The following FRMD4A variants were observed in gnomAD, a reference collection of about 807,000 sequenced individuals.
FRMD4A encodes the protein FERM domain-containing protein 4A.
FRMD4A carries 29 observed loss-of-function variants against 129.1 expected under a neutral mutation model. The observed-to-expected ratio is 0.22, with a 90% CI of 0.17 to 0.31. The LOEUF (loss-of-function observed/expected upper bound fraction) is 0.31, where lower values mean the gene tolerates loss of function less well. FRMD4A is among the 10% of genes least tolerant of loss of function. The pLI is 1.00. For synonymous variants in FRMD4A, 634 were observed against 571.6 expected, an observed-to-expected ratio of 1.11 and a Z score of -1.56; for missense variants, 1,272 against 1,375.8, an observed-to-expected ratio of 0.92 and a Z score of 1.19.
chr10:14,273,592 A>C (rs1400151559), intron 2 of FRMD4A, among the ~76,000 whole-genome samples: 1 of 152,136 alleles, frequency 6.6e-6, no homozygotes. Context: ...ATTAAGATAG[A>C]AATGAATTCT....
At chr10:13,789,769 A>ATGTGTGTGTGTGTGTGTGTGTGTGTG (rs57602565) in intron 5 of FRMD4A, among the ~76,000 whole-genome samples, 4 of 130,082 alleles carry the variant, frequency 3.1e-5, no homozygotes, top group African/African-American at 9.1e-5. Flanking sequence ...GCTGCTTATA[A>ATGTGTGTGTGTGTGTGTGTGTGTGTG]TGTGTGTGTG....
chr10:13,898,395 C>T (rs1005273537), intron 2 of FRMD4A, among the ~76,000 whole-genome samples: 4 of 151,982 alleles, frequency 2.6e-5, no homozygotes, highest in Admixed American at 1.3e-4. Context: ...AAATTGATAA[C>T]GAGACCACTT....
chr10:14,056,167 G>C (rs1443386974), intron 2 of FRMD4A, among the ~76,000 whole-genome samples: 3 of 152,082 alleles, frequency 2.0e-5, no homozygotes, highest in Non-Finnish European at 2.9e-5. Flanking sequence ...GAGTAGCTGG[G>C]ATTACAGGCA....
At chr10:13,664,372 T>C (rs1340638671) in intron 18 of FRMD4A, among the ~76,000 whole-genome samples, 1 of 152,082 alleles carries the variant, frequency 6.6e-6, no homozygotes, top group Non-Finnish European at 1.5e-5. Flanking sequence ...CAGAAAGAGG[T>C]TGGCTGAGGG....
chr10:14,059,354 C>G (rs1453877008), intron 2 of FRMD4A, among the ~76,000 whole-genome samples: 1 of 152,174 alleles, frequency 6.6e-6, no homozygotes, highest in Non-Finnish European at 1.5e-5. Context: ...ATGGCAATAT[C>G]TGGAGAGGGT....
chr10:13,974,702 T>C (rs1018266139), intron 2 of FRMD4A, among the ~76,000 whole-genome samples: 2 of 152,146 alleles, frequency 1.3e-5, no homozygotes, highest in Non-Finnish European at 2.9e-5. Context: ...AATTTTTGTA[T>C]TTTTAGTAGA....
chr10:14,151,285 A>G (rs1265310393), intron 2 of FRMD4A, among the ~76,000 whole-genome samples: 1 of 152,240 alleles, frequency 6.6e-6, no homozygotes, highest in African/African-American at 2.4e-5. Flanking sequence ...GGCTGATTCG[A>G]TAAGGAAAAT....
At chr10:13,785,188 G>A (rs1363987855) in intron 5 of FRMD4A, among the ~76,000 whole-genome samples, 2 of 152,126 alleles carry the variant, frequency 1.3e-5, no homozygotes, top group Non-Finnish European at 2.9e-5. Flanking sequence ...AGGCTGCTGT[G>A]ATGAATACAA....
chr10:14,288,894 G>C (rs547256209), intron 2 of FRMD4A, among the ~76,000 whole-genome samples: 1 of 152,108 alleles, frequency 6.6e-6, no homozygotes, highest in Admixed American at 6.5e-5. Flanking sequence ...TCTATGCATG[G>C]CTTATTTCAC....
chr10:14,220,140 T>C (rs1363154028), intron 2 of FRMD4A, among the ~76,000 whole-genome samples: 1 of 152,148 alleles, frequency 6.6e-6, no homozygotes, highest in African/African-American at 2.4e-5. Flanking sequence ...TAGCATCCAT[T>C]TGCCCTTGCC....
At chr10:13,782,004 G>C (rs1264056610) in intron 6 of FRMD4A, among the ~76,000 whole-genome samples, 1 of 151,998 alleles carries the variant, frequency 6.6e-6, no homozygotes, top group Non-Finnish European at 1.5e-5. Context: ...TCGAGTGAAG[G>C]GTGCACCAAA....
intron 2 of FRMD4A, among the ~76,000 whole-genome samples, chr10:14,088,939 G>T (rs1223133945): frequency 6.6e-6 from 1 of 152,150 alleles, no homozygotes; most frequent in African/African-American, 2.4e-5. Context: ...GGGACCAGGG[G>T]TGTGGCTGGA....
intron 2 of FRMD4A, among the ~76,000 whole-genome samples, chr10:14,223,363 T>A (rs1345941859): frequency 6.6e-6 from 1 of 152,156 alleles, no homozygotes; most frequent in African/African-American, 2.4e-5. Flanking sequence ...CAGGCTTATC[T>A]CTTGGAAGAG....
chr10:14,086,886 G>A (rs1836311613), intron 2 of FRMD4A, among the ~76,000 whole-genome samples: 2 of 152,168 alleles, frequency 1.3e-5, no homozygotes, highest in South Asian at 2.1e-4. Context: ...CTGCTCTGGA[G>A]CTCAGCTTCC....
At chr10:14,274,366 C>T (rs923855972) in intron 2 of FRMD4A, among the ~76,000 whole-genome samples, 7 of 152,176 alleles carry the variant, frequency 4.6e-5, no homozygotes, top group Admixed American at 1.3e-4. Flanking sequence ...GTTAAGGAAA[C>T]GGAGAGGTGA....
intron 6 of FRMD4A, among the ~76,000 whole-genome samples, chr10:13,780,144 T>C (rs2092699054): frequency 1.3e-5 from 2 of 151,936 alleles, no homozygotes; most frequent in African/African-American, 4.8e-5. Flanking sequence ...CTGGGCAACA[T>C]GGCAAAACCC....
At chr10:14,207,108 T>G (rs1169763620) in intron 2 of FRMD4A, among the ~76,000 whole-genome samples, 1 of 152,080 alleles carries the variant, frequency 6.6e-6, no homozygotes, top group Non-Finnish European at 1.5e-5. Context: ...GGGAAATGGT[T>G]AGATAAGCAA....
chr10:13,683,363 T>A, intron 15 of FRMD4A, among the ~76,000 whole-genome samples: 1 of 151,828 alleles, frequency 6.6e-6, no homozygotes, highest in Non-Finnish European at 1.5e-5. Flanking sequence ...GGCGGGAGGA[T>A]TGCTTAATGC....
chr10:13,690,065 A>T (rs2085536687), intron 15 of FRMD4A, among the ~76,000 whole-genome samples: 1 of 152,220 alleles, frequency 6.6e-6, no homozygotes, highest in African/African-American at 2.4e-5. Context: ...TGAAAGAGAG[A>T]AAACAGTTGA....
Sources: gnomAD v4.1 joint callset for allele counts (sites outside exome capture counted in the v4.1 genomes callset) on GRCh38, gnomAD v4.1.1 for gene constraint, MANE v1.5 for transcripts, NCBI Gene and HGNC (gene_info 2026-07-23, HGNC 2026-07-21) for gene names.